The following MET variants were observed in gnomAD, a reference collection of about 807,000 sequenced individuals.
The protein encoded by MET is hepatocyte growth factor receptor.
MET carries 48 observed loss-of-function variants against 133.1 expected under a neutral mutation model. That is an observed-to-expected ratio of 0.36 (90% CI 0.29 to 0.46). The LOEUF (loss-of-function observed/expected upper bound fraction) is 0.46. Among genes scored for constraint, MET ranks in the 20% least tolerant of loss-of-function variants. The pLI, the probability that MET is intolerant of heterozygous loss-of-function variation, is 1.00. For synonymous variants in MET, 628 were observed against 616.5 expected (o/e 1.02, Z -0.28); for missense variants, 1,442 against 1,695.9 (o/e 0.85, Z 2.63).
intron 2 of MET, among the ~76,000 whole-genome samples, chr7:116,716,134 C>T (rs1229061935): frequency 6.6e-6 from 1 of 151,904 alleles, no homozygotes; most frequent in African/African-American, 2.4e-5. Context: ...TGCCTGTAGT[C>T]CCAGCTACTC....
intron 1 of MET, among the ~76,000 whole-genome samples, chr7:116,678,441 T>A (rs201369312): frequency 0.012 from 1,584 of 133,400 alleles, 15 homozygotes; most frequent in African/African-American, 0.036. Context: ...TGTTTTTTTT[T>A]AAAAAAGAAT....
chr7:116,755,458 G>A lies in MET; in HGVS notation c.1805G>A (p.Arg602Lys), dbSNP rs1484732727. 2 of 1,614,134 alleles carry A rather than the reference G, an allele frequency of 1.2e-6. No homozygotes were observed. Among genetic ancestry groups the A allele is most frequent in the Non-Finnish European group, 1.7e-6 (2 of 1,180,016 alleles). ...RNNKFDLKKTRVLLGNESCTL... is the reference protein window; with the variant it reads ...RNNKFDLKKTKVLLGNESCTL... ...AATAAATTTGATTTAAAGAAAACTAGAGTTCTCCTTGGAAATGAGAGCTGC... is the reference window on the plus strand; with the variant it reads ...AATAAATTTGATTTAAAGAAAACTAAAGTTCTCCTTGGAAATGAGAGCTGC... The change falls in exon 6 of 21, where the codon AGA becomes AAA. Residue 602 changes from arginine to lysine, a missense_variant. Around this residue, in one of 6 missense-constraint regions of MET, gnomAD observed 762 missense variants for 792.4 expected, o/e 0.96. Transcript: ENST00000397752.
chr7:116,789,720 A>C (rs1795425794), intron 19 of MET, among the ~76,000 whole-genome samples: 2 of 152,208 alleles, frequency 1.3e-5, no homozygotes, highest in South Asian at 4.1e-4. Context: ...AGAGCCATCC[A>C]TGTTGTCGTA....
chr7:116,684,458 A>C (rs1796474939), intron 1 of MET, among the ~76,000 whole-genome samples: 2 of 152,210 alleles, frequency 1.3e-5, no homozygotes, highest in South Asian at 4.1e-4. Context: ...AGTGTGGTAA[A>C]GGCTAGATAA....
At chr7:116,749,748 A>G (rs1039739519) in intron 5 of MET, among the ~76,000 whole-genome samples, 1 of 152,232 alleles carries the variant, frequency 6.6e-6, no homozygotes, top group African/African-American at 2.4e-5. Context: ...GCTGATAAGC[A>G]ACTTCGGCAA....
intron 3 of MET, among the ~76,000 whole-genome samples, chr7:116,737,031 G>C (rs924502271): frequency 6.6e-6 from 1 of 152,158 alleles, no homozygotes; most frequent in Admixed American, 6.5e-5. Flanking sequence ...AGAATTAAGG[G>C]TAGAAAAACA....
intron 19 of MET, 68 bp from the exon 20 acceptor site, chr7:116,795,575 TTACCAAGACCTA>T: frequency 1.2e-6 from 2 of 1,600,714 alleles, no homozygotes; most frequent in Non-Finnish European, 1.7e-6. Context: ...CCAAGTTTAG[TTACCAAGACCTA>T]CTGATTTCCT....
intron 4 of MET, 38 bp from the exon 5 acceptor site, chr7:116,740,814 A>G (rs574459492): frequency 3.7e-6 from 6 of 1,611,134 alleles, no homozygotes; most frequent in Non-Finnish European, 5.1e-6. Context: ...CAAACTAGAT[A>G]CCCCTCTGGA....
At chr7:116,784,800 T>C (rs1314967077) in intron 19 of MET, among the ~76,000 whole-genome samples, 2 of 151,736 alleles carry the variant, frequency 1.3e-5, no homozygotes, top group Non-Finnish European at 2.9e-5. Flanking sequence ...TTCCCAACAG[T>C]CCCCCAAAAT....
chr7:116,769,143 A>C (rs1794743596), intron 11 of MET, among the ~76,000 whole-genome samples: 1 of 152,222 alleles, frequency 6.6e-6, no homozygotes, highest in Non-Finnish European at 1.5e-5. Flanking sequence ...ATACAGTGTT[A>C]ATACATTAAC....
Position 116,793,197 on chromosome 7 carries a change from C to T in MET, c.3799-2458C>T, listed in dbSNP as rs1011621519. On this transcript the variant is annotated intron_variant, in intron 19 of 20. Transcript: ENST00000397752. The stretch of plus-strand genomic sequence containing the variant: ...ACTTTCTTTTTTTTTTTTTTTGAGA[C>T]GGAGTCTCACTCTATCGCCCAAGCT... 1.1e-4 allele frequency among the ~76,000 whole-genome samples: 16 copies of T among 146,582 alleles called. 1 individual carries two copies. The highest frequency in any genetic ancestry group is 2.3e-4 in the African/African-American group (9 of 39,966).
intron 13 of MET, 54 bp from the exon 14 acceptor site, chr7:116,771,795 C>G (rs2116994926): frequency 1.2e-6 from 2 of 1,604,890 alleles, no homozygotes; most frequent in East Asian, 2.2e-5. Context: ...TCAAAGTCTC[C>G]TGGGGCCCAT....
intron 5 of MET, among the ~76,000 whole-genome samples, chr7:116,749,128 C>A (rs1273464579): frequency 6.6e-6 from 1 of 152,156 alleles, no homozygotes; most frequent in Non-Finnish European, 1.5e-5. Context: ...CATCCTGATA[C>A]CAAAACCAGA....
At chr7:116,709,601 T>A (rs1791921945) in intron 2 of MET, among the ~76,000 whole-genome samples, 1 of 152,108 alleles carries the variant, frequency 6.6e-6, no homozygotes, top group South Asian at 2.1e-4. Context: ...TCCAAGGGAA[T>A]AGGAGGCTTC....
At chr7:116,787,560 A>G (rs1795355436) in intron 19 of MET, among the ~76,000 whole-genome samples, 1 of 152,154 alleles carries the variant, frequency 6.6e-6, no homozygotes, top group African/African-American at 2.4e-5. Flanking sequence ...AGGTGAACAG[A>G]TTCTCTAACA....
rs753356451 is a variant in MET, at chr7:116,724,733, G to A, written c.1201-6935G>A. On this transcript the variant is annotated intron_variant, in intron 2 of 20. Transcript: ENST00000397752. ...GAAGCCACCCGGTAGAGCTGGAAGA[G>A]AATTTCGAAATCAATTCGCTCAACC... The A allele has an allele frequency of 1.0e-4, 105 of 1,005,750 alleles. No homozygotes were observed. The African/African-American group carries it at 1.2e-3, about 12-fold the overall frequency. The allele number at this position is 1,005,750 out of a possible 1,614,324, so 62.3% of individuals were successfully genotyped here. A position where few individuals can be genotyped will look rare whatever the true frequency, so the allele number is the denominator to read the frequency against.
chr7:116,783,554 A>C (rs41281078), intron 19 of MET, 85 bp downstream of exon 19: 3 of 1,416,438 alleles, frequency 2.1e-6, no homozygotes, highest in Non-Finnish European at 2.9e-6. Flanking sequence ...TTAATTTTTT[A>C]AAAAAATTCA....
At chr7:116,725,655 A>C (rs936358635) in intron 2 of MET, among the ~76,000 whole-genome samples, 1 of 151,562 alleles carries the variant, frequency 6.6e-6, no homozygotes, top group African/African-American at 2.4e-5. Context: ...GCTCCTAGGC[A>C]ACAAACCTGT....
At position 116,757,440 on chromosome 7, in the gene MET, G is replaced by A. The variant is rs1562921668; in HGVS notation, c.1866G>A (p.Leu622=). ...AAACTTTGGGTTTTTTTTCCAGATT[G>A]AAATGCACAGTTGGTCCTGCCATGA... The part of the protein sequence containing the change: ...LTLSESTMNT[L]KCTVGPAMNK... The change falls in exon 7 of 21, where the codon TTG becomes TTA. Residue 622 remains leucine, a synonymous_variant. Coordinates refer to ENST00000397752, the MANE Select transcript of MET (RefSeq NM_000245.4). 1 of 1,612,674 alleles carries A rather than the reference G, an allele frequency of 6.2e-7. No individual in the cohort carries two copies. The highest frequency in any genetic ancestry group is 8.5e-7 in the Non-Finnish European group (1 of 1,179,622).
Sources: gnomAD v4.1 joint callset for allele counts (sites outside exome capture counted in the v4.1 genomes callset) on GRCh38, gnomAD v4.1.1 for gene constraint, gnomAD v4.1.1 regional missense constraint, MANE v1.5 for transcripts, NCBI Gene and HGNC (gene_info 2026-07-23, HGNC 2026-07-21) for gene names.